Variants in KAZN observed in about 807,000 individuals in gnomAD.
KAZN encodes kazrin.
Under a neutral mutation model 87.4 loss-of-function variants are expected in KAZN, and 40 were observed. The ratio of observed to expected loss-of-function variants is 0.46; its 90% CI spans 0.36 to 0.60. The LOEUF (loss-of-function observed/expected upper bound fraction) is 0.60. Among genes scored for constraint, KAZN ranks in the 20% least tolerant of loss-of-function variants. KAZN has a pLI of 0.00. For synonymous variants in KAZN, 466 were observed against 458.3 expected (o/e 1.02, Z -0.22); for missense variants, 898 against 1,073.9 (o/e 0.84, Z 2.29).
chr1:14,509,774 G>A (rs537829214), intron 2 of KAZN, among the ~76,000 whole-genome samples: 1 of 152,234 alleles, frequency 6.6e-6, no homozygotes, highest in South Asian at 2.1e-4. Flanking sequence ...ATCTTATGAA[G>A]AAAACAAAAC....
intron 1 of KAZN, among the ~76,000 whole-genome samples, chr1:14,607,882 G>C (rs900911394): frequency 6.6e-6 from 1 of 152,210 alleles, no homozygotes; most frequent in Non-Finnish European, 1.5e-5. Flanking sequence ...AAGAGCAATA[G>C]CCAGTGTTCG....
At chr1:15,009,636 C>T (rs771207836) in intron 2 of KAZN, among the ~76,000 whole-genome samples, 1 of 152,208 alleles carries the variant, frequency 6.6e-6, no homozygotes, top group Non-Finnish European at 1.5e-5. Context: ...GAGGACAAGG[C>T]TACAGAACTT....
chr1:14,645,749 G>A lies in KAZN; in HGVS notation c.226+46526G>A, dbSNP rs552930126. Among the ~76,000 whole-genome samples, 19 of 152,244 alleles carry A rather than the reference G, an allele frequency of 1.2e-4. 1 individual carries two copies. In the South Asian group the frequency reaches 3.7e-3, roughly 30 times the overall value. On this transcript the variant is annotated intron_variant, in intron 1 of 14. Coordinates refer to ENST00000376030, the MANE Select transcript of KAZN (RefSeq NM_201628.3). ...TGGATGCCCTTTATTTCTTTCTCTT[G>A]CCCGATTGCTTTGGCTAGGACTTCC...
intron 1 of KAZN, among the ~76,000 whole-genome samples, chr1:14,678,554 A>G (rs1238545404): frequency 6.6e-6 from 1 of 152,168 alleles, no homozygotes; most frequent in Non-Finnish European, 1.5e-5. Flanking sequence ...ATTCTCCTTA[A>G]TAAAGTCCCT....
At chr1:14,830,541 A>C (rs1647022959) in intron 1 of KAZN, among the ~76,000 whole-genome samples, 1 of 152,122 alleles carries the variant, frequency 6.6e-6, no homozygotes, top group Non-Finnish European at 1.5e-5. Flanking sequence ...AAGGAGGTTT[A>C]ATTGACCCAC....
intron 2 of KAZN, among the ~76,000 whole-genome samples, chr1:14,194,268 G>GCT (rs1646481387): frequency 1.3e-5 from 2 of 152,166 alleles, no homozygotes; most frequent in Admixed American, 6.5e-5. Flanking sequence ...GTAGCTTGTG[G>GCT]ACAGAGTCAT....
chr1:14,041,370 A>G (rs748032029), intron 1 of KAZN, among the ~76,000 whole-genome samples: 11 of 151,810 alleles, frequency 7.2e-5, no homozygotes, highest in Non-Finnish European at 1.3e-4. Flanking sequence ...TTATGATTTT[A>G]TTTCCTTTCT....
intron 1 of KAZN, among the ~76,000 whole-genome samples, chr1:14,891,692 A>G (rs758748799): frequency 1.3e-4 from 20 of 152,158 alleles, no homozygotes; most frequent in Non-Finnish European, 2.1e-4. Flanking sequence ...GGAAAATTCT[A>G]TGTCATTATG....
intron 1 of KAZN, among the ~76,000 whole-genome samples, chr1:13,964,635 G>A (rs1008177830): frequency 3.3e-5 from 5 of 152,176 alleles, no homozygotes; most frequent in East Asian, 1.9e-4. Flanking sequence ...TAGAAGCAGG[G>A]TTCTGAGAGA....
chr1:14,056,570 T>G (rs1442542951), intron 1 of KAZN, among the ~76,000 whole-genome samples: 1 of 152,230 alleles, frequency 6.6e-6, no homozygotes, highest in Non-Finnish European at 1.5e-5. Context: ...CTATGTTGCT[T>G]TAAGCCACAA....
intron 2 of KAZN, among the ~76,000 whole-genome samples, chr1:14,970,189 T>A (rs2311970): frequency 6.8e-4 from 104 of 152,142 alleles, no homozygotes; most frequent in African/African-American, 2.0e-3. Context: ...CAGAAAAGTT[T>A]CTAAGATAGT....
At position 14,735,245 on chromosome 1, in the gene KAZN, A is replaced by G. The variant is rs531219659; in HGVS notation, c.226+136022A>G. ...CGGCTAATTTTTTTGTATTTTTAGT[A>G]GAGACGGGGTTTCACCGTGTTAGCC... On this transcript the variant is annotated intron_variant, in intron 1 of 14. Transcript: ENST00000376030. This position sits in a 1 kb window ranked among gnomAD's most constrained non-coding sequence, Gnocchi z 4.3. Among the ~76,000 whole-genome samples the G allele has an allele frequency of 1.3e-5, 2 of 152,202 alleles. No homozygotes were observed. The highest frequency in any genetic ancestry group is 1.3e-4 in the Admixed American group (2 of 15,284).
chr1:14,133,778 G>A (rs961522541), intron 1 of KAZN, among the ~76,000 whole-genome samples: 1 of 152,310 alleles, frequency 6.6e-6, no homozygotes, highest in Admixed American at 6.5e-5. Context: ...GCAGGACTGA[G>A]CACAGGATGC....
At chr1:15,084,916 A>C (rs1640176914) in intron 8 of KAZN, among the ~76,000 whole-genome samples, 1 of 152,256 alleles carries the variant, frequency 6.6e-6, no homozygotes. Context: ...ACCAAATACA[A>C]AATACTAAAT....
chr1:14,417,654 G>GT (rs1664912199), intron 2 of KAZN, among the ~76,000 whole-genome samples: 1 of 152,070 alleles, frequency 6.6e-6, no homozygotes, highest in African/African-American at 2.4e-5. Flanking sequence ...AACAGCCTTG[G>GT]TCTTTGGGGC....
chr1:15,105,790 T>G (rs1331781465), intron 13 of KAZN, among the ~76,000 whole-genome samples: 5 of 152,148 alleles, frequency 3.3e-5, no homozygotes, highest in Non-Finnish European at 7.4e-5. Context: ...TCTTCCCTAT[T>G]GGAGGCTGAC....
chr1:14,892,253 A>T (rs1164258485), intron 1 of KAZN, among the ~76,000 whole-genome samples: 1 of 152,086 alleles, frequency 6.6e-6, no homozygotes, highest in East Asian at 1.9e-4. Flanking sequence ...CTCCTGGCAG[A>T]AGAGAGTTCA....
chr1:14,494,976 G>C (rs1669864890), intron 2 of KAZN, among the ~76,000 whole-genome samples: 1 of 152,142 alleles, frequency 6.6e-6, no homozygotes, highest in Non-Finnish European at 1.5e-5. Flanking sequence ...CAGTGAATCT[G>C]ATTCTAAGGA....
intron 1 of KAZN, among the ~76,000 whole-genome samples, chr1:14,654,287 CAAAAAAAAA>C (rs140822403): frequency 2.5e-5 from 2 of 80,348 alleles, no homozygotes; most frequent in Non-Finnish European, 2.6e-5. Flanking sequence ...GGCTTCGTCT[CAAAAAAAAA>C]AAAAAAAAAA....
Sources: allele counts gnomAD v4.1 joint callset (sites outside exome capture counted in the v4.1 genomes callset), GRCh38; gene constraint gnomAD v4.1.1; non-coding constraint Gnocchi (gnomAD v3.1); transcripts MANE v1.5; gene names NCBI Gene and HGNC (gene_info 2026-07-23, HGNC 2026-07-21).